The following CRPPA variants were observed in gnomAD, a reference collection of about 807,000 sequenced individuals.
The protein encoded by CRPPA is D-ribitol-5-phosphate cytidylyltransferase.
In CRPPA, 43 loss-of-function variants were observed where a neutral mutation model predicts 52.0. The observed-to-expected ratio is 0.83, with a 90% CI of 0.65 to 1.07. The LOEUF (loss-of-function observed/expected upper bound fraction) is 1.07, where lower values mean the gene tolerates loss of function less well. Ranked by LOEUF, CRPPA falls within the 50% of genes least tolerant of loss-of-function variation. The pLI is 0.00. For synonymous variants in CRPPA, 250 were observed against 203.5 expected, an observed-to-expected ratio of 1.23 and a Z score of -1.94; for missense variants, 629 against 551.7, an observed-to-expected ratio of 1.14 and a Z score of -1.40.
chr7:16,170,367 T>A (rs1008563180), intron 9 of CRPPA, among the ~76,000 whole-genome samples: 4 of 152,152 alleles, frequency 2.6e-5, no homozygotes, highest in Non-Finnish European at 5.9e-5. Context: ...ACCCTCGCGG[T>A]GAGTGTTACA....
At chr7:16,296,740 T>TA (rs1314715721) in intron 5 of CRPPA, among the ~76,000 whole-genome samples, 1 of 152,204 alleles carries the variant, frequency 6.6e-6, no homozygotes, top group Non-Finnish European at 1.5e-5. Context: ...CAAATCATTT[T>TA]AAAACAATTA....
At chr7:16,225,809 C>T (rs1782633676) in intron 8 of CRPPA, among the ~76,000 whole-genome samples, 1 of 151,906 alleles carries the variant, frequency 6.6e-6, no homozygotes, top group Non-Finnish European at 1.5e-5. Context: ...CCAACTACTA[C>T]AAGTCCATCA....
intron 6 of CRPPA, among the ~76,000 whole-genome samples, chr7:16,261,553 T>G (rs1783800253): frequency 6.6e-6 from 1 of 152,044 alleles, no homozygotes; most frequent in African/African-American, 2.4e-5. Flanking sequence ...TTAATTCACA[T>G]TATTAGATGA....
At chr7:16,296,805 C>A (rs192862767) in intron 5 of CRPPA, among the ~76,000 whole-genome samples, 1 of 152,280 alleles carries the variant, frequency 6.6e-6, no homozygotes, top group Admixed American at 6.5e-5. Context: ...TCTGTCATTA[C>A]AACATTATAT....
chr7:16,326,526 T>A (rs1548571), intron 3 of CRPPA, among the ~76,000 whole-genome samples: 68,554 of 151,968 alleles, frequency 0.45, 15,718 homozygotes, highest in South Asian at 0.59. Flanking sequence ...GCTAAAATTA[T>A]CTTAATTTGT....
At chr7:16,206,126 A>T (rs1781968636) in intron 9 of CRPPA, among the ~76,000 whole-genome samples, 1 of 152,112 alleles carries the variant, frequency 6.6e-6, no homozygotes, top group South Asian at 2.1e-4. Flanking sequence ...ACATTAAAAA[A>T]TTGTATGTGG....
chr7:16,259,596 C>A (rs1431117497), intron 6 of CRPPA, among the ~76,000 whole-genome samples: 2 of 151,956 alleles, frequency 1.3e-5, no homozygotes, highest in African/African-American at 4.8e-5. Flanking sequence ...ATTATGCAAA[C>A]TTTCCTAGTA....
At chr7:16,384,443 A>T (rs1787200641) in intron 2 of CRPPA, among the ~76,000 whole-genome samples, 1 of 152,252 alleles carries the variant, frequency 6.6e-6, no homozygotes, top group Admixed American at 6.5e-5. Flanking sequence ...ACAAACCTCA[A>T]AAACTACCCC....
At chr7:16,398,404 A>G (rs1391403707) in intron 2 of CRPPA, among the ~76,000 whole-genome samples, 1 of 152,132 alleles carries the variant, frequency 6.6e-6, no homozygotes, top group Non-Finnish European at 1.5e-5. Flanking sequence ...ACACGTGACC[A>G]ACATAAGTGA....
At chr7:16,418,717 A>G (rs1224365845) in intron 1 of CRPPA, among the ~76,000 whole-genome samples, 1 of 152,064 alleles carries the variant, frequency 6.6e-6, no homozygotes, top group South Asian at 2.1e-4. Context: ...CCTCCACCTG[A>G]TCTCTGTCCC....
intron 5 of CRPPA, among the ~76,000 whole-genome samples, chr7:16,293,681 C>A (rs539834592): frequency 1.6e-4 from 25 of 152,060 alleles, no homozygotes; most frequent in Non-Finnish European, 3.1e-4. Context: ...ACTGAAAGGT[C>A]AAAGTGGTCT....
chr7:16,155,395 A>G (rs1057063615), intron 9 of CRPPA, among the ~76,000 whole-genome samples: 5 of 152,186 alleles, frequency 3.3e-5, no homozygotes, highest in Non-Finnish European at 7.4e-5. Flanking sequence ...CATGGACAAC[A>G]TAAGTCTATG....
At chr7:16,394,379 T>C (rs1334729830) in intron 2 of CRPPA, among the ~76,000 whole-genome samples, 1 of 152,158 alleles carries the variant, frequency 6.6e-6, no homozygotes, top group Non-Finnish European at 1.5e-5. Context: ...GCAAAGCATG[T>C]TTTAAAATCA....
At chr7:16,349,948 G>A (rs1786104854) in intron 3 of CRPPA, among the ~76,000 whole-genome samples, 1 of 152,006 alleles carries the variant, frequency 6.6e-6, no homozygotes, top group Non-Finnish European at 1.5e-5. Context: ...ACCATATCAA[G>A]AAATATCAGA....
At chr7:16,286,035 AAAAATATAAATATATATAT>A (rs1562608281) in intron 5 of CRPPA, among the ~76,000 whole-genome samples, 33 of 18,790 alleles carry the variant, frequency 1.8e-3, no homozygotes, top group Middle Eastern at 0.014. Context: ...AAAAAAAAAA[AAAAATATAAATATATATAT>A]ATATATATAT....
chr7:16,308,660 C>G, intron 3 of CRPPA, 33 bp from the exon 4 acceptor site: 3 of 1,269,790 alleles, frequency 2.4e-6, no homozygotes, highest in Admixed American at 1.8e-5. Context: ...AACAATTAAG[C>G]TAAAATGCGA....
Position 16,258,954 on chromosome 7 carries a change from A to G in CRPPA, c.992T>C (p.Ile331Thr), listed in dbSNP as rs369141466. The G allele has an allele frequency of 4.3e-6, 7 of 1,611,376 alleles. No individual in the cohort carries two copies. Among genetic ancestry groups the G allele is most frequent in the Middle Eastern group, 1.7e-4 (1 of 6,052 alleles). The change falls in exon 7 of 10, where the codon ATC becomes ACC. Residue 331 changes from isoleucine to threonine, a missense_variant. Transcript: ENST00000407010. ...AACAAAATTGTAGCATTGATCTAAG[A>G]TGATTTGCTGAAGATGTCTGCCAGC... Reference protein sequence around the residue: ...GHAGRHLQQIILDQCYNFVCV... With the variant: ...GHAGRHLQQITLDQCYNFVCV...
intron 8 of CRPPA, among the ~76,000 whole-genome samples, chr7:16,241,973 G>GTT (rs1249826023): frequency 9.4e-6 from 1 of 106,572 alleles, no homozygotes; most frequent in African/African-American, 3.7e-5. Context: ...TTTTTTGTTG[G>GTT]GGGGAGATAG....
At chr7:16,115,601 C>T (rs1189442101) in intron 9 of CRPPA, among the ~76,000 whole-genome samples, 3 of 151,996 alleles carry the variant, frequency 2.0e-5, no homozygotes, top group Admixed American at 1.3e-4. Context: ...TTCTAAATAC[C>T]AATTTTTAAA....
Sources: allele counts gnomAD v4.1 joint callset (sites outside exome capture counted in the v4.1 genomes callset), GRCh38; gene constraint gnomAD v4.1.1; transcripts MANE v1.5; gene names NCBI Gene and HGNC (gene_info 2026-07-23, HGNC 2026-07-21).